Variants in ROR1 observed in about 807,000 individuals in gnomAD.
ROR1 encodes the protein inactive tyrosine-protein kinase transmembrane receptor ROR1.
A neutral mutation model predicts 78.8 loss-of-function variants in ROR1; 19 were observed. The observed-to-expected ratio is 0.24, with a 90% CI of 0.17 to 0.35. The LOEUF (loss-of-function observed/expected upper bound fraction) is 0.35. ROR1 is among the 10% of genes least tolerant of loss of function. The pLI is 1.00. For missense variants in ROR1, 917 were observed against 1,177.8 expected (o/e 0.78, Z 3.24); for synonymous variants, 386 against 433.6 (o/e 0.89, Z 1.36).
At chr1:63,900,164 G>A (rs2100401811) in intron 1 of ROR1, among the ~76,000 whole-genome samples, 1 of 152,270 alleles carries the variant, frequency 6.6e-6, no homozygotes, top group Middle Eastern at 3.4e-3. Context: ...TTATAGAAAG[G>A]AAAAGTTGGC....
At chr1:64,030,706 C>T (rs952859615) in intron 2 of ROR1, among the ~76,000 whole-genome samples, 1 of 152,174 alleles carries the variant, frequency 6.6e-6, no homozygotes, top group Non-Finnish European at 1.5e-5. Flanking sequence ...TCTTCTGACT[C>T]AGGAATTCTC....
At chr1:63,921,630 C>T (rs1468188602) in intron 1 of ROR1, among the ~76,000 whole-genome samples, 1 of 139,370 alleles carries the variant, frequency 7.2e-6, no homozygotes, top group Non-Finnish European at 1.5e-5. Context: ...GAAGAATGTA[C>T]GCTATCCTAG....
At chr1:63,982,262 A>G (rs991895892) in intron 1 of ROR1, among the ~76,000 whole-genome samples, 22 of 152,208 alleles carry the variant, frequency 1.4e-4, no homozygotes, top group Non-Finnish European at 3.1e-4. Flanking sequence ...CTACTTGACC[A>G]CATTGCCTAT....
intron 4 of ROR1, among the ~76,000 whole-genome samples, chr1:64,051,095 A>G (rs1416991420): frequency 6.6e-6 from 1 of 152,204 alleles, no homozygotes; most frequent in Non-Finnish European, 1.5e-5. Context: ...TGATGAATTC[A>G]TTATTGATCA....
intron 1 of ROR1, among the ~76,000 whole-genome samples, chr1:63,796,246 C>G (rs991115683): frequency 1.3e-5 from 2 of 152,154 alleles, no homozygotes; most frequent in African/African-American, 4.8e-5. Context: ...TCTCCTAGCC[C>G]TACCTCTAAC....
At chr1:64,062,139 T>G (rs564256371) in intron 4 of ROR1, among the ~76,000 whole-genome samples, 2 of 152,198 alleles carry the variant, frequency 1.3e-5, no homozygotes, top group South Asian at 4.1e-4. Context: ...TCTACTTGCC[T>G]CCTGTTGAAT....
intron 1 of ROR1, among the ~76,000 whole-genome samples, chr1:63,944,973 C>T (rs1335825014): frequency 1.3e-5 from 2 of 152,122 alleles, no homozygotes; most frequent in Non-Finnish European, 2.9e-5. Context: ...TAAAAAAATA[C>T]CTTTTGTCAG....
intron 4 of ROR1, among the ~76,000 whole-genome samples, chr1:64,065,365 G>T (rs1646948157): frequency 6.6e-6 from 1 of 152,164 alleles, no homozygotes; most frequent in African/African-American, 2.4e-5. Flanking sequence ...ACTCTTACCT[G>T]AATTACAAAT....
intron 1 of ROR1, among the ~76,000 whole-genome samples, chr1:63,804,193 A>G (rs1384035412): frequency 6.6e-6 from 1 of 152,076 alleles, no homozygotes; most frequent in Admixed American, 6.6e-5. Flanking sequence ...GTGGTGGTGG[A>G]ACAGTCCTGT....
chr1:63,852,643 A>C (rs185199275), intron 1 of ROR1, among the ~76,000 whole-genome samples: 2 of 152,366 alleles, frequency 1.3e-5, no homozygotes, highest in Admixed American at 1.3e-4. Flanking sequence ...GACACTCACT[A>C]ATGCAAACCA....
intron 1 of ROR1, among the ~76,000 whole-genome samples, chr1:63,882,211 G>A (rs1193816299): frequency 6.6e-6 from 1 of 152,140 alleles, no homozygotes; most frequent in Non-Finnish European, 1.5e-5. Context: ...GATGTGTTGG[G>A]AAAGGCAAAT....
At chr1:63,966,717 T>G (rs953528510) in intron 1 of ROR1, among the ~76,000 whole-genome samples, 5 of 152,226 alleles carry the variant, frequency 3.3e-5, no homozygotes, top group Non-Finnish European at 7.3e-5. Flanking sequence ...TCTGTTTGTT[T>G]GGCTGCCTCT....
chr1:63,852,234 C>G (rs1335061770), intron 1 of ROR1, among the ~76,000 whole-genome samples: 1 of 152,214 alleles, frequency 6.6e-6, no homozygotes, highest in African/African-American at 2.4e-5. Flanking sequence ...ATCAGTGGTG[C>G]TGCCTGGACT....
chr1:63,954,651 C>T (rs1052314837), intron 1 of ROR1, among the ~76,000 whole-genome samples: 7 of 152,164 alleles, frequency 4.6e-5, no homozygotes, highest in Non-Finnish European at 8.8e-5. Flanking sequence ...TCTGTACAGG[C>T]ATTTTTTTCT....
chr1:64,088,004 G>A (rs1647167178), intron 4 of ROR1, among the ~76,000 whole-genome samples: 1 of 152,166 alleles, frequency 6.6e-6, no homozygotes, highest in Non-Finnish European at 1.5e-5. Context: ...TTTCGTTGGG[G>A]ATTGCTGGAA....
chr1:63,998,657 GA>G (rs1295132053), intron 1 of ROR1, among the ~76,000 whole-genome samples: 1 of 152,136 alleles, frequency 6.6e-6, no homozygotes, highest in Non-Finnish European at 1.5e-5. Context: ...TGAAAGTTTA[GA>G]ACGTCTTAGA....
intron 1 of ROR1, chr1:63,843,454 C>T: frequency 1.3e-6 from 1 of 746,676 alleles, no homozygotes; most frequent in Non-Finnish European, 2.4e-6. Context: ...TAGTGGCAGT[C>T]CTTATCTGGC....
chr1:63,909,140 C>T (rs569167509), intron 1 of ROR1, among the ~76,000 whole-genome samples: 1 of 152,282 alleles, frequency 6.6e-6, no homozygotes, highest in African/African-American at 2.4e-5. Context: ...ATGTCTACCT[C>T]ACCTCCTCCT....
At chr1:64,065,892 G>A (rs6676244) in intron 4 of ROR1, among the ~76,000 whole-genome samples, 23,718 of 152,162 alleles carry the variant, frequency 0.16, 2,747 homozygotes, top group African/African-American at 0.33. Context: ...TTAGTCTGGG[G>A]TCAATTCAGG....
Sources: gnomAD v4.1 joint callset for allele counts (sites outside exome capture counted in the v4.1 genomes callset) on GRCh38, gnomAD v4.1.1 for gene constraint, MANE v1.5 for transcripts, NCBI Gene and HGNC (gene_info 2026-07-23, HGNC 2026-07-21) for gene names.